Variants in TMEM132C observed in about 807,000 individuals in gnomAD.
TMEM132C encodes the protein transmembrane protein 132C.
Under a neutral mutation model 61.4 loss-of-function variants are expected in TMEM132C, and 29 were observed. The observed-to-expected ratio is 0.47, with a 90% CI of 0.35 to 0.64. TMEM132C has a LOEUF of 0.64. Ranked by LOEUF, TMEM132C falls within the 30% of genes least tolerant of loss-of-function variation. The pLI is 0.00. For missense variants in TMEM132C, 1,408 were observed against 1,476.9 expected (o/e 0.95, Z 0.76); for synonymous variants, 656 against 633.1 (o/e 1.04, Z -0.54).
chr12:128,429,444 G>A (rs890891594), intron 2 of TMEM132C, among the ~76,000 whole-genome samples: 12 of 152,186 alleles, frequency 7.9e-5, no homozygotes, highest in African/African-American at 2.7e-4. Flanking sequence ...AAAAGCCACC[G>A]TGCTTCTCTG....
chr12:128,362,170 A>G (rs1873726019), intron 1 of TMEM132C, among the ~76,000 whole-genome samples: 1 of 152,098 alleles, frequency 6.6e-6, no homozygotes, highest in Non-Finnish European at 1.5e-5. Flanking sequence ...CCTCAGCTCA[A>G]AAGCTCTCCT....
At chr12:128,475,194 C>G (rs751222631) in intron 2 of TMEM132C, among the ~76,000 whole-genome samples, 5 of 152,132 alleles carry the variant, frequency 3.3e-5, no homozygotes, top group Non-Finnish European at 7.3e-5. Flanking sequence ...GAAGGTAAGA[C>G]CCCGCCCCCA....
At chr12:128,615,058 C>T (rs985052880) in intron 3 of TMEM132C, among the ~76,000 whole-genome samples, 1 of 152,248 alleles carries the variant, frequency 6.6e-6, no homozygotes, top group Non-Finnish European at 1.5e-5. Flanking sequence ...CTAGAACCCA[C>T]TTCTTCCTCT....
chr12:128,330,227 G>A (rs1476397018), intron 1 of TMEM132C, among the ~76,000 whole-genome samples: 1 of 152,128 alleles, frequency 6.6e-6, no homozygotes, highest in Non-Finnish European at 1.5e-5. Context: ...TGCACATAAA[G>A]CCCCAGTCAC....
chr12:128,624,272 G>A (rs897681820), intron 4 of TMEM132C, among the ~76,000 whole-genome samples: 1 of 152,102 alleles, frequency 6.6e-6, no homozygotes, highest in Non-Finnish European at 1.5e-5. Context: ...TAGGCCGAGT[G>A]TGGTGGCTCA....
chr12:128,631,651 A>G (rs1159012278), intron 4 of TMEM132C, among the ~76,000 whole-genome samples: 2 of 152,248 alleles, frequency 1.3e-5, no homozygotes, highest in Non-Finnish European at 2.9e-5. Context: ...TGGAGAATGA[A>G]TTAGATTGAC....
intron 1 of TMEM132C, among the ~76,000 whole-genome samples, chr12:128,370,151 G>A (rs1873987011): frequency 6.6e-6 from 1 of 152,090 alleles, no homozygotes; most frequent in African/African-American, 2.4e-5. Context: ...AGCTTAGATG[G>A]GCAGATGCCC....
chr12:128,648,544 T>C (rs948301863), intron 4 of TMEM132C, among the ~76,000 whole-genome samples: 2 of 150,406 alleles, frequency 1.3e-5, no homozygotes, highest in African/African-American at 4.9e-5. Flanking sequence ...CTGGAGTCCA[T>C]CAGCATTGGA....
chr12:128,681,600 T>C (rs1489430), intron 5 of TMEM132C, among the ~76,000 whole-genome samples: 82,508 of 151,142 alleles, frequency 0.55, 22,638 homozygotes, highest in African/African-American at 0.59. Context: ...CTGATCACAG[T>C]CTCTGACAAG....
intron 1 of TMEM132C, among the ~76,000 whole-genome samples, chr12:128,358,493 T>TTGTGTGTGTGTGTGTGTGTGTGTG (rs58748919): frequency 1.4e-5 from 2 of 144,900 alleles, no homozygotes; most frequent in East Asian, 2.1e-4. Flanking sequence ...ACTTTTAAAA[T>TTGTGTGTGTGTGTGTGTGTGTGTG]TGTGTGTGTG....
intron 3 of TMEM132C, among the ~76,000 whole-genome samples, chr12:128,555,901 G>A (rs1022578847): frequency 3.3e-5 from 5 of 151,940 alleles, no homozygotes; most frequent in African/African-American, 1.2e-4. Flanking sequence ...TTTTGTGTGT[G>A]GAAAAAGGGT....
chr12:128,559,118 C>CACACACACAG (rs747130304), intron 3 of TMEM132C, among the ~76,000 whole-genome samples: 4 of 151,338 alleles, frequency 2.6e-5, no homozygotes, highest in Admixed American at 1.3e-4. Context: ...CACACACAAA[C>CACACACACAG]ACACACACAG....
chr12:128,622,893 G>C (rs1446768681), intron 4 of TMEM132C, among the ~76,000 whole-genome samples: 1 of 152,112 alleles, frequency 6.6e-6, no homozygotes, highest in Non-Finnish European at 1.5e-5. Context: ...CTCTCTAAGA[G>C]AATTTTAAGG....
At chr12:128,374,163 A>C (rs1267774755) in intron 1 of TMEM132C, among the ~76,000 whole-genome samples, 2 of 152,158 alleles carry the variant, frequency 1.3e-5, no homozygotes, top group South Asian at 4.1e-4. Flanking sequence ...TGGGAATGAT[A>C]ACGGTGACAC....
chr12:128,326,064 G>A lies in TMEM132C; in HGVS notation c.85+58577G>A, dbSNP rs1872505389. Among the ~76,000 whole-genome samples the A allele has an allele frequency of 6.6e-6, 1 of 152,116 alleles. No homozygotes were observed. The highest frequency in any genetic ancestry group is 2.4e-5 in the African/African-American group (1 of 41,428). ...GCCAGTATTCACACAGTATTGGAAT[G>A]AACGAGTAAATGAATGAATGCATGC... is the stretch of plus-strand genomic sequence containing the variant. On this transcript the variant is annotated intron_variant, in intron 1 of 8. Coordinates refer to ENST00000435159, the MANE Select transcript of TMEM132C (RefSeq NM_001136103.3). The surrounding 1 kb of genome is among the most constrained non-coding windows in gnomAD (Gnocchi z 5.6).
intron 1 of TMEM132C, among the ~76,000 whole-genome samples, chr12:128,392,682 T>G (rs1191264774): frequency 6.6e-6 from 1 of 152,072 alleles, no homozygotes; most frequent in Non-Finnish European, 1.5e-5. Flanking sequence ...AGGATATTAT[T>G]TCAGGGGTAT....
intron 2 of TMEM132C, among the ~76,000 whole-genome samples, chr12:128,494,132 G>C (rs1871852952): frequency 6.6e-6 from 1 of 152,168 alleles, no homozygotes; most frequent in Non-Finnish European, 1.5e-5. Context: ...CTTTGGTTCT[G>C]TTTATATGCT....
At chr12:128,272,576 A>G (rs1870560167) in intron 1 of TMEM132C, among the ~76,000 whole-genome samples, 1 of 152,234 alleles carries the variant, frequency 6.6e-6, no homozygotes, top group Non-Finnish European at 1.5e-5. Flanking sequence ...ATAACTTCAT[A>G]AAATACTGCA....
At chr12:128,586,271 A>T (rs1875544812) in intron 3 of TMEM132C, among the ~76,000 whole-genome samples, 1 of 151,898 alleles carries the variant, frequency 6.6e-6, no homozygotes, top group Non-Finnish European at 1.5e-5. Context: ...GTGTCAAAAA[A>T]GTTAAACAAT....
Sources: gnomAD v4.1 joint callset for allele counts (sites outside exome capture counted in the v4.1 genomes callset) on GRCh38, gnomAD v4.1.1 for gene constraint, Gnocchi (gnomAD v3.1) non-coding constraint, MANE v1.5 for transcripts, NCBI Gene and HGNC (gene_info 2026-07-23, HGNC 2026-07-21) for gene names.